The following IDE variants were observed in gnomAD, a reference collection of about 807,000 sequenced individuals.
IDE encodes the protein insulin-degrading enzyme.
In IDE, 58 loss-of-function variants were observed where a neutral mutation model predicts 133.2. That is an observed-to-expected ratio of 0.44 (90% CI 0.35 to 0.54). The LOEUF (loss-of-function observed/expected upper bound fraction) is 0.54, where lower values mean the gene tolerates loss of function less well. Among genes scored for constraint, IDE ranks in the 20% least tolerant of loss-of-function variants. The pLI is 0.00. For missense variants in IDE, 981 were observed against 1,234.0 expected (o/e 0.79, Z 3.07); for synonymous variants, 396 against 421.3 (o/e 0.94, Z 0.73).
intron 22 of IDE, among the ~76,000 whole-genome samples, chr10:92,459,542 T>C (rs1845242924): frequency 6.6e-6 from 1 of 152,092 alleles, no homozygotes; most frequent in Non-Finnish European, 1.5e-5. Context: ...AAACCAGAAA[T>C]GGCTAGAACA....
intron 1 of IDE, among the ~76,000 whole-genome samples, chr10:92,566,703 G>A (rs533560875): frequency 6.6e-6 from 1 of 151,710 alleles, no homozygotes; most frequent in African/African-American, 2.4e-5. Context: ...ACAACAGGGT[G>A]ACTATAATCA....
Position 92,487,451 on chromosome 10 carries a change from A to G in IDE, c.1534-133T>C, listed in dbSNP as rs79174648. On this transcript the variant is annotated intron_variant, in intron 12 of 24. Transcript: ENST00000265986. Reference sequence around the variant, plus strand: ...AGCATTGTTTTCCATCATATATAAAAGAGGTACTACCAAATCTATCGATGG... The same window carrying G: ...AGCATTGTTTTCCATCATATATAAAGGAGGTACTACCAAATCTATCGATGG... 1,069 of 773,068 alleles carry G rather than the reference A, an allele frequency of 1.4e-3. 10 individuals carry two copies. The African/African-American group carries it at 0.017, about 12-fold the overall frequency. 47.9% of individuals were successfully genotyped at this position (773,068 alleles called of 1,614,324 possible).
chr10:92,564,707 A>C (rs1347852200), intron 1 of IDE, among the ~76,000 whole-genome samples: 2 of 135,810 alleles, frequency 1.5e-5, no homozygotes, highest in African/African-American at 5.4e-5. Flanking sequence ...AAAAAAAAAA[A>C]AAACTGAAAC....
intron 4 of IDE, among the ~76,000 whole-genome samples, chr10:92,530,324 T>C (rs1849856557): frequency 6.6e-6 from 1 of 150,698 alleles, no homozygotes; most frequent in South Asian, 2.1e-4. Flanking sequence ...TGAGACAGGG[T>C]CTTACTATCA....
Position 92,466,410 on chromosome 10 carries a change from G to A in IDE, c.2321-567C>T, listed in dbSNP as rs1845690438. Among the ~76,000 whole-genome samples, 3 of 151,840 alleles carry A rather than the reference G, an allele frequency of 2.0e-5. No individual in the cohort carries two copies. The South Asian group carries it at 6.3e-4, about 32-fold the overall frequency. ...CAGCTCACTGCAACCTCCGCCTACTGGGTTCAAGCAATTCTCTTGCCTCAG... is the reference window on the plus strand; with the variant it reads ...CAGCTCACTGCAACCTCCGCCTACTAGGTTCAAGCAATTCTCTTGCCTCAG... On this transcript the variant is annotated intron_variant, in intron 19 of 24. Coordinates refer to ENST00000265986, the MANE Select transcript of IDE (RefSeq NM_004969.4).
At chr10:92,565,810 A>G (rs2135830317) in intron 1 of IDE, among the ~76,000 whole-genome samples, 1 of 152,190 alleles carries the variant, frequency 6.6e-6, no homozygotes, top group East Asian at 1.9e-4. Context: ...ATTCTTTCTA[A>G]AAAATCTCCC....
At chr10:92,538,790 A>C (rs1203773145) in intron 1 of IDE, among the ~76,000 whole-genome samples, 1 of 152,118 alleles carries the variant, frequency 6.6e-6, no homozygotes, top group East Asian at 1.9e-4. Context: ...AAAAAAAAAA[A>C]AAACTGAAAC....
intron 1 of IDE, among the ~76,000 whole-genome samples, chr10:92,548,553 G>T (rs1053198273): frequency 3.9e-5 from 6 of 151,952 alleles, no homozygotes; most frequent in Non-Finnish European, 8.8e-5. Context: ...ATGGTAACTT[G>T]ATTATTATAA....
rs1193542615 is a variant in IDE, at chr10:92,452,497, G to A, written c.*1947C>T. On this transcript the variant is annotated 3_prime_UTR_variant, in exon 25 of 25. Coordinates refer to ENST00000265986, the MANE Select transcript of IDE (RefSeq NM_004969.4). The stretch of plus-strand genomic sequence containing the variant: ...TAAATGAATCCATTAGTATGCCTGA[G>A]TGATCAACAGCAGCTCTAGATCCAA... 2 of 152,190 alleles carry A rather than the reference G, an allele frequency of 1.3e-5. No homozygotes were observed. The highest frequency in any genetic ancestry group is 2.9e-5 in the Non-Finnish European group (2 of 68,034). The allele number at this position is 152,190 out of a possible 1,614,324, so 9.4% of individuals were successfully genotyped here.
intron 18 of IDE, among the ~76,000 whole-genome samples, chr10:92,469,721 T>TGAGGGATCTTGAGACA (rs1281328411): frequency 6.6e-6 from 1 of 152,224 alleles, no homozygotes; most frequent in Non-Finnish European, 1.5e-5. Context: ...CGGCCGAGAC[T>TGAGGGATCTTGAGACA]GAGGGATCTT....
At chr10:92,556,482 G>A (rs1843016003) in intron 1 of IDE, among the ~76,000 whole-genome samples, 1 of 152,054 alleles carries the variant, frequency 6.6e-6, no homozygotes, top group African/African-American at 2.4e-5. Flanking sequence ...AATCAGGCTG[G>A]GTGCAGTGGC....
At chr10:92,482,461 A>T (rs974128104) in intron 14 of IDE, among the ~76,000 whole-genome samples, 8 of 152,224 alleles carry the variant, frequency 5.3e-5, no homozygotes, top group Non-Finnish European at 1.0e-4. Context: ...TAATCAAGCC[A>T]GAAATAGAGG....
chr10:92,481,046 T>C (rs974932343), intron 14 of IDE: 1 of 280,002 alleles, frequency 3.6e-6, no homozygotes, highest in Non-Finnish European at 5.4e-6. Context: ...CATTAAATTT[T>C]TTAAGGTATG....
chr10:92,535,096 T>TTTTATTTA (rs545617668), intron 2 of IDE, among the ~76,000 whole-genome samples: 1 of 151,950 alleles, frequency 6.6e-6, no homozygotes, highest in Non-Finnish European at 1.5e-5. Context: ...AAAATTTTCT[T>TTTTATTTA]TTTATTTATT....
chr10:92,538,713 G>C (rs1842143386), intron 1 of IDE, among the ~76,000 whole-genome samples: 1 of 151,216 alleles, frequency 6.6e-6, no homozygotes, highest in African/African-American at 2.4e-5. Flanking sequence ...AGAGTCTGGG[G>C]TACGCATGTT....
intron 11 of IDE, among the ~76,000 whole-genome samples, chr10:92,502,276 G>C (rs1247239675): frequency 2.0e-5 from 3 of 152,154 alleles, no homozygotes; most frequent in Non-Finnish European, 2.9e-5. Flanking sequence ...ACTATAGTAT[G>C]CTTCTCCATT....
chr10:92,486,258 G>A (rs964067013), intron 13 of IDE, among the ~76,000 whole-genome samples: 3 of 152,104 alleles, frequency 2.0e-5, no homozygotes, highest in Non-Finnish European at 4.4e-5. Context: ...GCTAAGGCAG[G>A]AGAATCACTT....
At chr10:92,499,174 T>A (rs1347854126) in intron 11 of IDE, among the ~76,000 whole-genome samples, 1 of 151,964 alleles carries the variant, frequency 6.6e-6, no homozygotes, top group Non-Finnish European at 1.5e-5. Context: ...ATGAAGTCCA[T>A]TTTATTGGTG....
chr10:92,571,892 C>T (rs147827597), intron 1 of IDE, among the ~76,000 whole-genome samples: 44 of 152,328 alleles, frequency 2.9e-4, no homozygotes, highest in African/African-American at 1.0e-3. Flanking sequence ...GGGCTGATTG[C>T]ATTCCTTAAG....
Sources: gnomAD v4.1 joint callset for allele counts (sites outside exome capture counted in the v4.1 genomes callset) on GRCh38, gnomAD v4.1.1 for gene constraint, MANE v1.5 for transcripts, NCBI Gene and HGNC (gene_info 2026-07-23, HGNC 2026-07-21) for gene names.